YWHAE: variants seen among roughly 807,000 people sequenced by gnomAD.
YWHAE encodes tyrosine 3-monooxygenase/tryptophan 5-monooxygenase activation protein epsilon, also known as 14-3-3 protein epsilon.
Under a neutral mutation model 30.1 loss-of-function variants are expected in YWHAE, and 4 were observed. The observed-to-expected ratio is 0.13, with a 90% CI of 0.07 to 0.30. The LOEUF is 0.30. Ranked by LOEUF, YWHAE falls within the 10% of genes least tolerant of loss-of-function variation. The probability of loss-of-function intolerance (pLI) is 1.00; values close to 1 mark genes in which losing one functional copy is unlikely to be tolerated. For missense variants in YWHAE, 121 were observed against 315.9 expected, an observed-to-expected ratio of 0.38 and a Z score of 4.68; for synonymous variants, 118 against 111.8, an observed-to-expected ratio of 1.06 and a Z score of -0.35.
At chr17:1,351,378 CA>C (rs1041790727) in intron 5 of YWHAE, among the ~76,000 whole-genome samples, 57 of 137,210 alleles carry the variant, frequency 4.2e-4, no homozygotes, top group Admixed American at 5.2e-4. Context: ...AACTCCATCT[CA>C]AAAAAAAAAA....
chr17:1,375,557 T>C (rs2073109145), intron 1 of YWHAE, among the ~76,000 whole-genome samples: 1 of 152,216 alleles, frequency 6.6e-6, no homozygotes. Flanking sequence ...GCTACAGTAA[T>C]TTTGAGTAAC....
intron 2 of YWHAE, chr17:1,364,609 G>T: frequency 1.9e-6 from 1 of 535,694 alleles, no homozygotes; most frequent in South Asian, 2.4e-5. Context: ...GATCCATTGA[G>T]ACCTGCCAGT....
intron 5 of YWHAE, among the ~76,000 whole-genome samples, chr17:1,348,827 T>C (rs541240768): frequency 2.6e-5 from 4 of 151,542 alleles, no homozygotes; most frequent in Admixed American, 6.6e-5. Flanking sequence ...ATTGAGACCA[T>C]CCGGGTTAAC....
intron 2 of YWHAE, among the ~76,000 whole-genome samples, chr17:1,363,954 C>T (rs1487256673): frequency 1.3e-5 from 2 of 152,150 alleles, no homozygotes; most frequent in Non-Finnish European, 2.9e-5. Context: ...CCAGTCCCCA[C>T]CCCACTAGAT....
chr17:1,393,784 C>G (rs1476551964), intron 1 of YWHAE, among the ~76,000 whole-genome samples: 1 of 152,070 alleles, frequency 6.6e-6, no homozygotes, highest in African/African-American at 2.4e-5. Flanking sequence ...GAGGTGACAT[C>G]TGCCTACAAT....
intron 1 of YWHAE, among the ~76,000 whole-genome samples, chr17:1,392,816 C>T (rs964337724): frequency 9.2e-5 from 14 of 151,618 alleles, no homozygotes; most frequent in African/African-American, 3.4e-4. Flanking sequence ...CGCCACTGCA[C>T]TCCAGCCTGA....
chr17:1,388,068 G>C (rs1311425736), intron 1 of YWHAE, among the ~76,000 whole-genome samples: 2 of 145,596 alleles, frequency 1.4e-5, no homozygotes, highest in Non-Finnish European at 3.0e-5. Flanking sequence ...TGGGATTACA[G>C]GCACGTGCCA....
chr17:1,371,753 A>T (rs8077801), intron 1 of YWHAE, among the ~76,000 whole-genome samples: 5,691 of 152,118 alleles, frequency 0.037, 353 homozygotes, highest in African/African-American at 0.13. Flanking sequence ...TGAAAATCTA[A>T]GTGGTGTGGT....
Position 1,344,914 on chromosome 17 carries a change from T to C in YWHAE, c.*533A>G, listed in dbSNP as rs549097624. 9.4e-5 allele frequency: 22 copies of C among 233,568 alleles called. No homozygotes were observed. The highest frequency in any genetic ancestry group is 4.4e-4 in the African/African-American group (20 of 45,412). 14.5% of individuals were successfully genotyped at this position (233,568 alleles called of 1,614,324 possible). A position where few individuals can be genotyped will look rare whatever the true frequency, so the allele number is the denominator to read the frequency against. ...AACATTTCAGCGGAGTTGGAAACATTTTTTACAGCAAAACCATTACAACGA... is the reference window on the plus strand; with the variant it reads ...AACATTTCAGCGGAGTTGGAAACATCTTTTACAGCAAAACCATTACAACGA... On this transcript the variant is annotated 3_prime_UTR_variant, in exon 6 of 6. Coordinates refer to ENST00000264335, the MANE Select transcript of YWHAE (RefSeq NM_006761.5).
chr17:1,383,291 C>T (rs1234925878), intron 1 of YWHAE, among the ~76,000 whole-genome samples: 2 of 151,620 alleles, frequency 1.3e-5, no homozygotes, highest in Non-Finnish European at 1.5e-5. Context: ...ACGAGGTTTC[C>T]GCGAGCTGAG....
intron 1 of YWHAE, among the ~76,000 whole-genome samples, chr17:1,391,870 G>C (rs1054833621): frequency 8.5e-5 from 13 of 152,144 alleles, no homozygotes; most frequent in African/African-American, 2.9e-4. Context: ...GATCACATGA[G>C]CTCAGGAGTT....
chr17:1,368,198 C>A (rs1022626504), intron 1 of YWHAE, among the ~76,000 whole-genome samples: 1 of 151,956 alleles, frequency 6.6e-6, no homozygotes, highest in Non-Finnish European at 1.5e-5. Context: ...ACCAGCCTGA[C>A]CAGCATGGAG....
rs143279984 is a variant in YWHAE, at chr17:1,358,327, C to T, written c.578+2765G>A. On this transcript the variant is annotated intron_variant, in intron 4 of 5. Transcript: ENST00000264335. ...TGATCTTGGCTCACTGCAAGTTCCGCCTCCCAGGTTCACGCCATTCTCCTG... is the reference window on the plus strand; with the variant it reads ...TGATCTTGGCTCACTGCAAGTTCCGTCTCCCAGGTTCACGCCATTCTCCTG... Among the ~76,000 whole-genome samples the T allele has an allele frequency of 2.0e-3, 308 of 152,192 alleles. 3 individuals are homozygous for T. Among genetic ancestry groups the T allele is most frequent in the African/African-American group, 7.3e-3 (304 of 41,568 alleles).
In YWHAE at chr17:1,359,959, GGA is replaced by G. The variant is rs1311826142; in HGVS notation, c.578+1131_578+1132del. 2.2e-3 allele frequency among the ~76,000 whole-genome samples: 243 copies of G among 109,058 alleles called. 3 individuals are homozygous for G. The highest frequency in any genetic ancestry group is 7.2e-3 in the African/African-American group (209 of 28,844). The allele number at this position is 109,058 out of a possible 152,430, so 71.5% of individuals were successfully genotyped here. A position where few individuals can be genotyped will look rare whatever the true frequency, so the allele number is the denominator to read the frequency against. On this transcript the variant is annotated intron_variant, in intron 4 of 5. Coordinates refer to ENST00000264335, the MANE Select transcript of YWHAE (RefSeq NM_006761.5). ...AGGAGGGGGAGGGGGGGAGAGAGGG[GGA>G]GAGAGAGAGAGAGAGATTTGAAAAA...
At chr17:1,396,974 T>C (rs1301537506) in intron 1 of YWHAE, among the ~76,000 whole-genome samples, 1 of 150,860 alleles carries the variant, frequency 6.6e-6, no homozygotes, top group Non-Finnish European at 1.5e-5. Context: ...CAGGCTGTAG[T>C]GTAATGCCAT....
intron 1 of YWHAE, among the ~76,000 whole-genome samples, chr17:1,385,150 A>G (rs2073281537): frequency 6.6e-6 from 1 of 150,746 alleles, no homozygotes; most frequent in Non-Finnish European, 1.5e-5. Flanking sequence ...GTCTCAAAAA[A>G]AAAAAAAAAA....
intron 1 of YWHAE, among the ~76,000 whole-genome samples, chr17:1,381,196 G>A (rs1215967285): frequency 1.3e-5 from 2 of 152,138 alleles, no homozygotes; most frequent in African/African-American, 4.8e-5. Flanking sequence ...TGGCCAACAT[G>A]GCGAAACCCC....
chr17:1,361,363 A>G (rs954437153), intron 3 of YWHAE, 65 bp from the exon 4 acceptor site: 4 of 1,342,882 alleles, frequency 3.0e-6, no homozygotes, highest in African/African-American at 1.5e-5. Flanking sequence ...TTAAAGGAAA[A>G]TAAGCTAAAA....
intron 1 of YWHAE, among the ~76,000 whole-genome samples, chr17:1,391,077 A>G (rs2073382929): frequency 6.6e-6 from 1 of 151,964 alleles, no homozygotes; most frequent in African/African-American, 2.4e-5. Flanking sequence ...TAGGTCTATT[A>G]TATTTTTAAA....
Sources: gnomAD v4.1 joint callset for allele counts (sites outside exome capture counted in the v4.1 genomes callset) on GRCh38, gnomAD v4.1.1 for gene constraint, MANE v1.5 for transcripts, NCBI Gene and HGNC (gene_info 2026-07-23, HGNC 2026-07-21) for gene names.